Variants in TENM2 observed in about 807,000 individuals in gnomAD.
TENM2 encodes the protein teneurin-2.
TENM2 carries 52 observed loss-of-function variants against 245.2 expected under a neutral mutation model. That is an observed-to-expected ratio of 0.21 (90% CI 0.17 to 0.27). The LOEUF (loss-of-function observed/expected upper bound fraction) is 0.27, where lower values mean the gene tolerates loss of function less well. Among genes scored for constraint, TENM2 ranks in the 10% least tolerant of loss-of-function variants. The pLI, the probability that TENM2 is intolerant of heterozygous loss-of-function variation, is 1.00. For missense variants in TENM2, 3,046 were observed against 3,666.8 expected (o/e 0.83, Z 4.37); for synonymous variants, 1,363 against 1,438.9 (o/e 0.95, Z 1.19).
At chr5:167,501,028 C>A (rs1055651618) in intron 2 of TENM2, among the ~76,000 whole-genome samples, 1 of 152,098 alleles carries the variant, frequency 6.6e-6, no homozygotes, top group Admixed American at 6.6e-5. Flanking sequence ...TCAGGAACAG[C>A]CCCAATTTAT....
chr5:167,757,749 A>G (rs916806330), intron 2 of TENM2, among the ~76,000 whole-genome samples: 1 of 152,264 alleles, frequency 6.6e-6, no homozygotes, highest in African/African-American at 2.4e-5. Context: ...CCTTTCCAGC[A>G]TCTGGTGTTT....
intron 11 of TENM2, among the ~76,000 whole-genome samples, chr5:168,126,325 C>T (rs1296313204): frequency 6.6e-6 from 1 of 152,152 alleles, no homozygotes; most frequent in Admixed American, 6.5e-5. Context: ...TGGATCTTTT[C>T]AGGTGGGTAC....
At chr5:167,070,169 GTGC>G in the TENM2 span, among the ~76,000 whole-genome samples, 3 of 133,718 alleles carry the variant, frequency 2.2e-5, no homozygotes, top group African/African-American at 8.7e-5. Context: ...CCAGGCTGGA[GTGC>G]AGGGGCGCGA....
intron 2 of TENM2, among the ~76,000 whole-genome samples, chr5:167,741,209 A>C (rs1761152932): frequency 6.6e-6 from 1 of 152,278 alleles, no homozygotes; most frequent in African/African-American, 2.4e-5. Context: ...TAAACTTGGT[A>C]CTGTCAAGAG....
chr5:168,134,971 G>T (rs1425220333), intron 12 of TENM2, among the ~76,000 whole-genome samples: 1 of 152,202 alleles, frequency 6.6e-6, no homozygotes, highest in African/African-American at 2.4e-5. Context: ...TGCCTAGCCA[G>T]CGTCTTAGAA....
chr5:167,434,383 A>G (rs941057823), intron 2 of TENM2, among the ~76,000 whole-genome samples: 6 of 130,568 alleles, frequency 4.6e-5, no homozygotes, highest in Middle Eastern at 5.0e-3. Flanking sequence ...GCTGCGCTCC[A>G]GCCTGGGCAA....
chr5:167,845,372 T>A (rs1453329709), intron 2 of TENM2, among the ~76,000 whole-genome samples: 1 of 152,032 alleles, frequency 6.6e-6, no homozygotes, highest in African/African-American at 2.4e-5. Context: ...TTCATTTAAA[T>A]GGGCTGTATG....
At chr5:168,136,099 C>G (rs1226045708) in intron 12 of TENM2, among the ~76,000 whole-genome samples, 1 of 152,096 alleles carries the variant, frequency 6.6e-6, no homozygotes, top group Non-Finnish European at 1.5e-5. Context: ...ATATTCTGAC[C>G]GAGCTGGGGT....
the TENM2 span, among the ~76,000 whole-genome samples, chr5:166,996,478 A>AT: frequency 1.3e-5 from 2 of 152,368 alleles, no homozygotes; most frequent in Non-Finnish European, 2.9e-5. Flanking sequence ...TTTTCCGTGG[A>AT]TATTCCACTA....
At chr5:167,962,642 C>G (rs1448322271) in intron 4 of TENM2, among the ~76,000 whole-genome samples, 6 of 152,114 alleles carry the variant, frequency 3.9e-5, no homozygotes, top group African/African-American at 1.2e-4. Context: ...ACGGGGGAGG[C>G]CTCCAGAAAC....
chr5:167,488,244 C>T (rs1278821342), intron 2 of TENM2, among the ~76,000 whole-genome samples: 1 of 152,112 alleles, frequency 6.6e-6, no homozygotes, highest in Non-Finnish European at 1.5e-5. Flanking sequence ...ACTTTCTCTG[C>T]TAAAAATGAC....
the TENM2 span, among the ~76,000 whole-genome samples, chr5:167,236,896 T>C: frequency 9.3e-5 from 14 of 150,538 alleles, no homozygotes; most frequent in Middle Eastern, 3.4e-3. Context: ...TTTTTTTTTT[T>C]CAATCTGAAA....
At chr5:167,663,256 C>T (rs1755363577) in intron 2 of TENM2, among the ~76,000 whole-genome samples, 1 of 151,968 alleles carries the variant, frequency 6.6e-6, no homozygotes, top group Non-Finnish European at 1.5e-5. Context: ...AGGACCACTA[C>T]ACCAAGAGCT....
At chr5:168,166,590 T>A (rs753549639) in intron 13 of TENM2, among the ~76,000 whole-genome samples, 3 of 152,130 alleles carry the variant, frequency 2.0e-5, no homozygotes, top group African/African-American at 4.8e-5. Flanking sequence ...AGCTCCTGAT[T>A]CTCTAAGTCT....
At chr5:167,353,664 C>T (rs1348775943) in intron 1 of TENM2, among the ~76,000 whole-genome samples, 4 of 151,564 alleles carry the variant, frequency 2.6e-5, no homozygotes, top group African/African-American at 7.3e-5. Context: ...CCCGCCACTA[C>T]GCCCGGCTAA....
rs750055139 is a variant in TENM2 at position 167,801,909 on chromosome 5, C to CACAG, written c.503-74074_503-74073insGACA. Among the ~76,000 whole-genome samples the CACAG allele has an allele frequency of 9.3e-3, 1,407 of 151,292 alleles. 7 individuals are homozygous for CACAG. The highest frequency in any genetic ancestry group is 0.014 in the Non-Finnish European group (963 of 67,752). Reference sequence around the variant, plus strand: ...AACAAAACATGCACACACACAGACACACACACACACACACACACACAGGGT... The same window carrying CACAG: ...AACAAAACATGCACACACACAGACACACAGACACACACACACACACACACAGGGT... On this transcript the variant is annotated intron_variant, in intron 2 of 28. Coordinates refer to ENST00000518659, the Ensembl canonical transcript of TENM2.
At chr5:167,181,463 CGTTT>C in the TENM2 span, among the ~76,000 whole-genome samples, 1 of 69,918 alleles carries the variant, frequency 1.4e-5, no homozygotes, top group Non-Finnish European at 2.6e-5. Flanking sequence ...GGGAGCCGCT[CGTTT>C]GTGTGTGTGT....
At chr5:168,062,534 C>T (rs992498329) in intron 7 of TENM2, among the ~76,000 whole-genome samples, 1 of 152,080 alleles carries the variant, frequency 6.6e-6, no homozygotes, top group Non-Finnish European at 1.5e-5. Flanking sequence ...TAGGTATATA[C>T]CCAGAGAAAA....
chr5:167,945,445 C>T (rs763294890), intron 3 of TENM2, among the ~76,000 whole-genome samples: 2 of 152,116 alleles, frequency 1.3e-5, no homozygotes, highest in Non-Finnish European at 2.9e-5. Context: ...CTTTAAAGTG[C>T]TTTAAAGGTT....
Sources: gnomAD v4.1 joint callset for allele counts (sites outside exome capture counted in the v4.1 genomes callset) on GRCh38, gnomAD v4.1.1 for gene constraint, MANE v1.5 for transcripts, NCBI Gene and HGNC (gene_info 2026-07-23, HGNC 2026-07-21) for gene names.